The following BCKDHB variants were observed in gnomAD, a reference collection of about 807,000 sequenced individuals.
BCKDHB encodes the protein branched chain keto acid dehydrogenase E1 subunit beta.
A neutral mutation model predicts 48.5 loss-of-function variants in BCKDHB; 41 were observed. The observed-to-expected ratio is 0.85, with a 90% CI of 0.66 to 1.10. The LOEUF (loss-of-function observed/expected upper bound fraction) is 1.10, where lower values mean the gene tolerates loss of function less well. BCKDHB is among the 50% of genes least tolerant of loss of function. BCKDHB has a pLI of 0.00. For missense variants in BCKDHB, 496 were observed against 494.2 expected, an observed-to-expected ratio of 1.00 and a Z score of -0.03; for synonymous variants, 201 against 174.8, an observed-to-expected ratio of 1.15 and a Z score of -1.18.
intron 9 of BCKDHB, among the ~76,000 whole-genome samples, chr6:80,315,973 T>C (rs1265089422): frequency 6.6e-6 from 1 of 152,212 alleles, no homozygotes; most frequent in Non-Finnish European, 1.5e-5. Flanking sequence ...TGTAAAAGAT[T>C]CTGTAAAGAA....
intron 8 of BCKDHB, among the ~76,000 whole-genome samples, chr6:80,206,837 TA>T (rs955265625): frequency 4.0e-5 from 6 of 151,162 alleles, no homozygotes; most frequent in East Asian, 3.9e-4. Context: ...TAACAGTATC[TA>T]AAAAAAAATT....
At chr6:80,320,313 C>T (rs1768655849) in intron 9 of BCKDHB, among the ~76,000 whole-genome samples, 1 of 152,154 alleles carries the variant, frequency 6.6e-6, no homozygotes, top group Non-Finnish European at 1.5e-5. Context: ...CTGTTGGTTA[C>T]AGTCACAATA....
intron 3 of BCKDHB, among the ~76,000 whole-genome samples, chr6:80,160,071 G>C (rs1051050515): frequency 6.6e-6 from 1 of 152,180 alleles, no homozygotes; most frequent in African/African-American, 2.4e-5. Flanking sequence ...ACTAATTAAA[G>C]CTTCTGAAAA....
At chr6:80,155,763 A>G (rs1347842653) in intron 3 of BCKDHB, among the ~76,000 whole-genome samples, 2 of 151,766 alleles carry the variant, frequency 1.3e-5, no homozygotes, top group Admixed American at 6.6e-5. Flanking sequence ...CAATATAGGA[A>G]TGTACTTATA....
At chr6:80,173,610 A>T (rs1471665635) in intron 6 of BCKDHB, among the ~76,000 whole-genome samples, 1 of 152,138 alleles carries the variant, frequency 6.6e-6, no homozygotes. Flanking sequence ...CCTATAGATT[A>T]TTCTGATCCA....
chr6:80,201,740 T>C (rs1452742303), intron 7 of BCKDHB, among the ~76,000 whole-genome samples: 4 of 152,090 alleles, frequency 2.6e-5, no homozygotes, highest in Admixed American at 1.3e-4. Flanking sequence ...CACTTTGCTC[T>C]ACCTCCCAAC....
chr6:80,397,897 A>G, the BCKDHB span, among the ~76,000 whole-genome samples: 3 of 152,144 alleles, frequency 2.0e-5, no homozygotes, highest in Non-Finnish European at 4.4e-5. Context: ...CCAACAAACC[A>G]ACAAACAACA....
intron 8 of BCKDHB, among the ~76,000 whole-genome samples, chr6:80,217,182 A>C (rs576580618): frequency 6.6e-6 from 1 of 152,104 alleles, no homozygotes; most frequent in Non-Finnish European, 1.5e-5. Context: ...CAGAGGTTGC[A>C]GTGAGCCGAG....
intron 5 of BCKDHB, chr6:80,169,786 T>G (rs1160155670): frequency 6.3e-7 from 1 of 1,594,118 alleles, no homozygotes; most frequent in South Asian, 1.1e-5. Context: ...TTTATTCTTT[T>G]TTTCTTATTT....
chr6:80,310,911 C>T (rs552394868), intron 9 of BCKDHB, among the ~76,000 whole-genome samples: 216 of 152,128 alleles, frequency 1.4e-3, no homozygotes, highest in Non-Finnish European at 2.3e-3. Context: ...GAGATGTGTC[C>T]TTCTGTTCAT....
chr6:80,284,112 G>T (rs934662616), intron 9 of BCKDHB, among the ~76,000 whole-genome samples: 39 of 151,982 alleles, frequency 2.6e-4, no homozygotes, highest in African/African-American at 9.4e-4. Flanking sequence ...GGTAATTTAG[G>T]GTAATTAAAC....
the BCKDHB span, among the ~76,000 whole-genome samples, chr6:80,402,903 T>G: frequency 6.6e-6 from 1 of 151,784 alleles, no homozygotes; most frequent in Non-Finnish European, 1.5e-5. Flanking sequence ...TGTCAAAGAT[T>G]AGTTGATCAG....
chr6:80,338,390 C>G (rs552465739), intron 9 of BCKDHB, among the ~76,000 whole-genome samples: 3 of 152,242 alleles, frequency 2.0e-5, no homozygotes, highest in African/African-American at 7.2e-5. Context: ...ATTTCCAGCC[C>G]CCGACCCCGG....
chr6:80,258,793 A>G (rs767761016), intron 8 of BCKDHB, among the ~76,000 whole-genome samples: 45 of 151,832 alleles, frequency 3.0e-4, no homozygotes, highest in Non-Finnish European at 6.2e-4. Flanking sequence ...CATGCATTCT[A>G]TCACTGATGC....
intron 8 of BCKDHB, among the ~76,000 whole-genome samples, chr6:80,240,621 T>G (rs1318217569): frequency 6.6e-6 from 1 of 152,188 alleles, no homozygotes; most frequent in Non-Finnish European, 1.5e-5. Flanking sequence ...ACAGGGACAA[T>G]TTGACTTCCT....
chr6:80,225,948 T>C (rs1775659842), intron 8 of BCKDHB, among the ~76,000 whole-genome samples: 1 of 152,216 alleles, frequency 6.6e-6, no homozygotes, highest in Non-Finnish European at 1.5e-5. Flanking sequence ...AACTGTGCTT[T>C]ATTAGATGCT....
chr6:80,399,499 T>C, the BCKDHB span, among the ~76,000 whole-genome samples: 2,499 of 152,050 alleles, frequency 0.016, 65 homozygotes, highest in African/African-American at 0.057. Flanking sequence ...CTATTCACAA[T>C]TGCCACAAAA....
intron 9 of BCKDHB, among the ~76,000 whole-genome samples, chr6:80,328,634 C>T (rs1377128136): frequency 6.6e-6 from 1 of 151,940 alleles, no homozygotes; most frequent in African/African-American, 2.4e-5. Flanking sequence ...ACAAATATAC[C>T]CTCCTGAACG....
intron 9 of BCKDHB, among the ~76,000 whole-genome samples, chr6:80,287,331 A>G (rs1302844854): frequency 6.6e-6 from 1 of 152,222 alleles, no homozygotes; most frequent in African/African-American, 2.4e-5. Flanking sequence ...CCACCATAGT[A>G]TGCAATTAAA....
Sources: gnomAD v4.1 joint callset for allele counts (sites outside exome capture counted in the v4.1 genomes callset) on GRCh38, gnomAD v4.1.1 for gene constraint, MANE v1.5 for transcripts, NCBI Gene and HGNC (gene_info 2026-07-23, HGNC 2026-07-21) for gene names.